CAMTA1: variants seen among roughly 807,000 people sequenced by gnomAD.
CAMTA1 encodes calmodulin-binding transcription activator 1.
A neutral mutation model predicts 170.9 loss-of-function variants in CAMTA1; 27 were observed. That is an observed-to-expected ratio of 0.16 (90% confidence interval 0.12 to 0.22). The LOEUF (loss-of-function observed/expected upper bound fraction) is 0.22. Ranked by LOEUF, CAMTA1 falls within the 10% of genes least tolerant of loss-of-function variation. The pLI, the probability that CAMTA1 is intolerant of heterozygous loss-of-function variation, is 1.00. For missense variants in CAMTA1, 1,619 were observed against 2,217.2 expected (o/e 0.73, Z 5.42); for synonymous variants, 833 against 891.5 (o/e 0.93, Z 1.17).
chr1:7,670,767 A>G (rs1003429101), intron 9 of CAMTA1, 144 bp from the exon 10 acceptor site: 4 of 884,270 alleles, frequency 4.5e-6, no homozygotes, highest in Admixed American at 2.4e-5. Flanking sequence ...GCTCACTGCA[A>G]TCCCTGGAGT....
At chr1:7,088,589 A>C (rs1418890056) in intron 3 of CAMTA1, among the ~76,000 whole-genome samples, 1 of 152,214 alleles carries the variant, frequency 6.6e-6, no homozygotes, top group Admixed American at 6.5e-5. Context: ...GGGCCATAGC[A>C]GTAGGAAGCC....
In CAMTA1 at chr1:7,635,608, C is replaced by CA. The variant is rs767824479; in HGVS notation, c.511-4773dup. ...TGGGGGACAGAGCAAGACTCCGTCT[C>CA]AAAAAAAAAAAAAAAAAAATACAGG... On this transcript the variant is annotated intron_variant, in intron 6 of 22. Coordinates refer to ENST00000303635, the MANE Select transcript of CAMTA1 (RefSeq NM_015215.4). This position sits in a 1 kb window ranked among gnomAD's most constrained non-coding sequence, Gnocchi z 4.4. Among the ~76,000 whole-genome samples, 8,699 of 90,080 alleles carry CA rather than the reference C, an allele frequency of 0.097. 823 individuals carry two copies. The highest frequency in any genetic ancestry group is 0.24 in the African/African-American group (6,938 of 29,346). 59.1% of individuals were successfully genotyped at this position (90,080 alleles called of 152,430 possible). A position where few individuals can be genotyped will look rare whatever the true frequency, so the allele number is the denominator to read the frequency against.
At chr1:7,430,202 A>T (rs1285357121) in intron 5 of CAMTA1, among the ~76,000 whole-genome samples, 1 of 151,026 alleles carries the variant, frequency 6.6e-6, no homozygotes, top group Non-Finnish European at 1.5e-5. Context: ...CGGTGATAAC[A>T]TGGATGATGG....
intron 6 of CAMTA1, among the ~76,000 whole-genome samples, chr1:7,579,022 A>C (rs1223739810): frequency 6.6e-6 from 1 of 152,134 alleles, no homozygotes; most frequent in Non-Finnish European, 1.5e-5. Flanking sequence ...TCCCCGCTTT[A>C]CTGAGTGCAG....
chr1:7,053,531 G>A (rs11120824), intron 3 of CAMTA1, among the ~76,000 whole-genome samples: 57,200 of 151,926 alleles, frequency 0.38, 10,965 homozygotes, highest in East Asian at 0.52. Flanking sequence ...AGCCTTTCAG[G>A]GCCCCCTTCT....
chr1:6,795,223 G>A (rs186498581), intron 1 of CAMTA1, among the ~76,000 whole-genome samples: 3 of 152,212 alleles, frequency 2.0e-5, no homozygotes, highest in Non-Finnish European at 4.4e-5. Context: ...GTCTCGCTCT[G>A]TTGCCCAGAC....
chr1:6,909,538 C>T (rs942029472), intron 3 of CAMTA1, among the ~76,000 whole-genome samples: 1 of 152,196 alleles, frequency 6.6e-6, no homozygotes, highest in Non-Finnish European at 1.5e-5. Context: ...CTTGGGCTGG[C>T]AGACACAGCA....
intron 3 of CAMTA1, among the ~76,000 whole-genome samples, chr1:7,056,507 C>A (rs997880207): frequency 1.3e-5 from 2 of 152,146 alleles, no homozygotes; most frequent in African/African-American, 4.8e-5. Flanking sequence ...TCTGTTAAAA[C>A]AGTGACATAA....
chr1:7,593,868 C>T (rs2095373230), intron 6 of CAMTA1, among the ~76,000 whole-genome samples: 1 of 150,802 alleles, frequency 6.6e-6, no homozygotes, highest in South Asian at 2.1e-4. Context: ...ATGGTGAAAC[C>T]CCGTCTCTAC....
chr1:6,851,795 G>C (rs576096920), intron 3 of CAMTA1, among the ~76,000 whole-genome samples: 1 of 152,048 alleles, frequency 6.6e-6, no homozygotes, highest in African/African-American at 2.4e-5. Flanking sequence ...GGGCAGATCA[G>C]TTGAGGCCGG....
At chr1:7,080,546 A>ATTG (rs1404868045) in intron 3 of CAMTA1, among the ~76,000 whole-genome samples, 1 of 151,976 alleles carries the variant, frequency 6.6e-6, no homozygotes, top group African/African-American at 2.4e-5. Context: ...TATTATTATT[A>ATTG]TTATTTGAGA....
chr1:7,343,938 T>C (rs1422024025), intron 5 of CAMTA1, among the ~76,000 whole-genome samples: 1 of 152,254 alleles, frequency 6.6e-6, no homozygotes, highest in Non-Finnish European at 1.5e-5. Context: ...TTCACCGAAC[T>C]CTTCTGCCTT....
intron 3 of CAMTA1, among the ~76,000 whole-genome samples, chr1:6,913,640 C>T (rs532665985): frequency 7.2e-5 from 11 of 152,016 alleles, no homozygotes; most frequent in African/African-American, 1.9e-4. Flanking sequence ...TATGGATGAG[C>T]GTTTCTGTTT....
intron 3 of CAMTA1, chr1:6,888,159 G>A (rs1389958715): frequency 3.1e-6 from 3 of 975,248 alleles, no homozygotes; most frequent in Non-Finnish European, 3.7e-6. Context: ...GCATAGGACA[G>A]TGCTGACACA....
At position 7,234,282 on chromosome 1, in the gene CAMTA1, A is replaced by G. The variant is rs563273103; in HGVS notation, c.303-15209A>G. Among the ~76,000 whole-genome samples the G allele has an allele frequency of 6.8e-4, 103 of 152,152 alleles. No homozygotes were observed. The highest frequency in any genetic ancestry group is 1.8e-3 in the Admixed American group (28 of 15,280). On this transcript the variant is annotated intron_variant, in intron 4 of 22. Coordinates refer to ENST00000303635, the MANE Select transcript of CAMTA1 (RefSeq NM_015215.4). This position sits in a 1 kb window ranked among gnomAD's most constrained non-coding sequence, Gnocchi z 5.0. ...AAGCCCTTCCAGGGAGCCAGCATTC[A>G]TGTCCTTGCCTTCGCCTCCGCTTCC...
intron 6 of CAMTA1, among the ~76,000 whole-genome samples, chr1:7,563,643 G>A (rs1034854684): frequency 6.6e-6 from 1 of 152,348 alleles, no homozygotes; most frequent in Admixed American, 6.5e-5. Flanking sequence ...GTTTGCTCAC[G>A]GCCTTGTGAT....
intron 5 of CAMTA1, among the ~76,000 whole-genome samples, chr1:7,290,315 A>T (rs546987461): frequency 6.6e-6 from 1 of 152,196 alleles, no homozygotes; most frequent in South Asian, 2.1e-4. Flanking sequence ...GATTTAGGTG[A>T]TGAAAACACC....
intron 4 of CAMTA1, among the ~76,000 whole-genome samples, chr1:7,122,860 T>G (rs1320028115): frequency 1.3e-5 from 2 of 152,204 alleles, no homozygotes; most frequent in African/African-American, 4.8e-5. Flanking sequence ...TCTTCTGTCT[T>G]GCAGACATCA....
At chr1:7,215,530 A>C (rs1659600985) in intron 4 of CAMTA1, among the ~76,000 whole-genome samples, 1 of 152,206 alleles carries the variant, frequency 6.6e-6, no homozygotes, top group African/African-American at 2.4e-5. Flanking sequence ...AGTAGCTGGG[A>C]CTACAGGCAC....
Sources: gnomAD v4.1 joint callset for allele counts (sites outside exome capture counted in the v4.1 genomes callset) on GRCh38, gnomAD v4.1.1 for gene constraint, Gnocchi (gnomAD v3.1) non-coding constraint, MANE v1.5 for transcripts, NCBI Gene and HGNC (gene_info 2026-07-23, HGNC 2026-07-21) for gene names.